The following CEP112 variants were observed in gnomAD, a reference collection of about 807,000 sequenced individuals.
CEP112 encodes centrosomal protein 112.
CEP112 carries 127 observed loss-of-function variants against 153.0 expected under a neutral mutation model. That is an observed-to-expected ratio of 0.83 (90% CI 0.72 to 0.96). CEP112 has a LOEUF of 0.96. Among genes scored for constraint, CEP112 ranks in the 40% least tolerant of loss-of-function variants. The probability of loss-of-function intolerance (pLI) is 0.00; values close to 1 mark genes in which losing one functional copy is unlikely to be tolerated. For synonymous variants in CEP112, 358 were observed against 374.4 expected (o/e 0.96, Z 0.51); for missense variants, 1,089 against 1,101.2 (o/e 0.99, Z 0.16).
At chr17:65,800,551 T>C (rs1474305268) in intron 21 of CEP112, among the ~76,000 whole-genome samples, 1 of 152,244 alleles carries the variant, frequency 6.6e-6, no homozygotes, top group African/African-American at 2.4e-5. Flanking sequence ...TGGCTATTTA[T>C]GAATCATGCT....
intron 12 of CEP112, among the ~76,000 whole-genome samples, chr17:66,032,603 C>G (rs1360020703): frequency 6.6e-6 from 1 of 152,154 alleles, no homozygotes; most frequent in Admixed American, 6.5e-5. Flanking sequence ...TGTCTCTACA[C>G]CAGCTGCCTC....
At chr17:65,684,869 C>G (rs538824594) in intron 24 of CEP112, among the ~76,000 whole-genome samples, 67 of 152,284 alleles carry the variant, frequency 4.4e-4, no homozygotes, top group African/African-American at 1.6e-3. Context: ...AAGTCTGACT[C>G]AAGCTCTGAT....
intron 24 of CEP112, among the ~76,000 whole-genome samples, chr17:65,644,996 G>A (rs2045355676): frequency 6.6e-6 from 1 of 151,968 alleles, no homozygotes; most frequent in Admixed American, 6.6e-5. Flanking sequence ...GAAATGCTTT[G>A]ATACTAATTA....
intron 18 of CEP112, among the ~76,000 whole-genome samples, chr17:65,946,533 C>G (rs1054413923): frequency 6.6e-6 from 1 of 152,104 alleles, no homozygotes; most frequent in Admixed American, 6.6e-5. Context: ...CACTGGTCAT[C>G]TTGTGCCAAT....
intron 24 of CEP112, chr17:65,644,295 C>A: frequency 1.8e-6 from 1 of 570,466 alleles, no homozygotes; most frequent in South Asian, 2.1e-5. Context: ...AGCTGGCACT[C>A]GGCAAGAAGG....
At chr17:66,114,761 C>T (rs1598379848) in intron 6 of CEP112, among the ~76,000 whole-genome samples, 2 of 152,220 alleles carry the variant, frequency 1.3e-5, no homozygotes, top group African/African-American at 4.8e-5. Flanking sequence ...ACTGACAAAG[C>T]TTTCAGTAAA....
rs536518306 is a variant in CEP112 at position 65,939,271 on chromosome 17, C to T, written c.1873-11582G>A. The stretch of plus-strand genomic sequence containing the variant: ...CGGGTAGAAACATATCCTGTGTTCT[C>T]GGATCAGAAGAATTAATAGTGTTAA... On this transcript the variant is annotated intron_variant, in intron 18 of 26. Transcript: ENST00000535342. 2.2e-4 allele frequency among the ~76,000 whole-genome samples: 33 copies of T among 152,152 alleles called. 1 individual carries two copies. In the South Asian group the frequency reaches 5.8e-3, roughly 27 times the overall value.
intron 4 of CEP112, among the ~76,000 whole-genome samples, chr17:66,168,463 G>GTGTGTGTATATATGTATATA (rs1469838949): frequency 1.3e-5 from 1 of 78,608 alleles, no homozygotes; most frequent in African/African-American, 4.6e-5. Context: ...ATATGTATAT[G>GTGTGTGTATATATGTATATA]TGTGTGTATA....
intron 8 of CEP112, among the ~76,000 whole-genome samples, chr17:66,092,864 C>CCT (rs1417696221): frequency 6.6e-6 from 1 of 152,054 alleles, no homozygotes; most frequent in African/African-American, 2.4e-5. Flanking sequence ...AAGAAATGTA[C>CCT]CTCAATACAA....
intron 21 of CEP112, among the ~76,000 whole-genome samples, chr17:65,848,084 C>A (rs2057793306): frequency 6.6e-6 from 1 of 152,214 alleles, no homozygotes; most frequent in South Asian, 2.1e-4. Flanking sequence ...TTCTTCACGT[C>A]ATTAAGCTGT....
chr17:65,992,696 A>G (rs1468035542), intron 17 of CEP112, among the ~76,000 whole-genome samples: 1 of 152,230 alleles, frequency 6.6e-6, no homozygotes, highest in Admixed American at 6.5e-5. Context: ...CATTTTAAAT[A>G]TCACTATTAA....
intron 21 of CEP112, among the ~76,000 whole-genome samples, chr17:65,760,859 T>A (rs2052571140): frequency 6.6e-6 from 1 of 152,250 alleles, no homozygotes; most frequent in South Asian, 2.1e-4. Context: ...GAATTTACCA[T>A]TGAATCCATG....
intron 18 of CEP112, among the ~76,000 whole-genome samples, chr17:65,936,941 G>A (rs954920637): frequency 1.8e-4 from 27 of 151,030 alleles, no homozygotes; most frequent in African/African-American, 6.3e-4. Flanking sequence ...TCAGCCTGCC[G>A]AGTGCCTGCG....
chr17:66,086,117 T>C (rs750003492), intron 8 of CEP112, among the ~76,000 whole-genome samples: 3 of 151,656 alleles, frequency 2.0e-5, no homozygotes, highest in Non-Finnish European at 4.4e-5. Flanking sequence ...GAAGAATGAG[T>C]TGAGAAAGGG....
intron 11 of CEP112, among the ~76,000 whole-genome samples, chr17:66,055,728 G>C (rs2319122): frequency 6.6e-6 from 1 of 151,968 alleles, no homozygotes; most frequent in African/African-American, 2.4e-5. Flanking sequence ...CGGAGGGGTG[G>C]CTGTAAGTCA....
At chr17:66,026,122 A>G (rs1265807341) in intron 16 of CEP112, among the ~76,000 whole-genome samples, 1 of 151,982 alleles carries the variant, frequency 6.6e-6, no homozygotes. Flanking sequence ...ACAGACACTG[A>G]AGACTTGGAA....
chr17:65,852,612 T>C (rs1314214291), intron 20 of CEP112, among the ~76,000 whole-genome samples: 2 of 150,254 alleles, frequency 1.3e-5, no homozygotes, highest in East Asian at 3.9e-4. Flanking sequence ...AAACAACATA[T>C]TGTTTAGTTT....
chr17:66,130,772 T>C (rs2070118688), intron 5 of CEP112, among the ~76,000 whole-genome samples: 1 of 107,392 alleles, frequency 9.3e-6, no homozygotes. Context: ...CGAGACTCCG[T>C]CTCAAAAAAA....
chr17:66,126,287 A>G (rs1453075714), intron 6 of CEP112, among the ~76,000 whole-genome samples: 1 of 152,244 alleles, frequency 6.6e-6, no homozygotes, highest in African/African-American at 2.4e-5. Context: ...TTCCTGACAT[A>G]GATCTTAAGA....
Sources: allele counts gnomAD v4.1 joint callset (sites outside exome capture counted in the v4.1 genomes callset), GRCh38; gene constraint gnomAD v4.1.1; transcripts MANE v1.5; gene names NCBI Gene and HGNC (gene_info 2026-07-23, HGNC 2026-07-21).